Variants in BRD9 observed in about 807,000 individuals in gnomAD.
BRD9 encodes bromodomain containing 9, also known as bromodomain-containing protein 9.
A neutral mutation model predicts 68.7 loss-of-function variants in BRD9; 47 were observed. The ratio of observed to expected loss-of-function variants is 0.68; its 90% CI spans 0.54 to 0.87. The LOEUF (loss-of-function observed/expected upper bound fraction) is 0.87. Ranked by LOEUF, BRD9 falls within the 40% of genes least tolerant of loss-of-function variation. The pLI is 0.00. For missense variants in BRD9, 670 were observed against 748.4 expected (o/e 0.90, Z 1.22); for synonymous variants, 313 against 293.9 (o/e 1.06, Z -0.67).
intron 3 of BRD9, chr5:889,878 C>T (rs1388862326): frequency 1.3e-6 from 1 of 756,522 alleles, no homozygotes; most frequent in Non-Finnish European, 2.1e-6. Flanking sequence ...TAACCGGTAG[C>T]CCTTACATCA....
At position 870,584 on chromosome 5, in the gene BRD9, A is replaced by G. The variant is rs1749996788; in HGVS notation, c.1423-9T>C. The G allele has an allele frequency of 1.9e-6, 3 of 1,591,460 alleles. No homozygotes were observed. Among genetic ancestry groups the G allele is most frequent in the Non-Finnish European group, 1.7e-6 (2 of 1,160,748 alleles). On this transcript the variant is annotated splice_polypyrimidine_tract_variant and intron_variant, in intron 13 of 15. Coordinates refer to ENST00000467963, the MANE Select transcript of BRD9 (RefSeq NM_023924.5). ...CCTAGGGTGTCCCCAACCTGTGGAG[A>G]CAGACACACATCAAGAGCAATTCAA...
At position 881,430 on chromosome 5, in the gene BRD9, A is replaced by AC. The variant is rs1751740195; in HGVS notation, c.967-249dup. The AC allele has an allele frequency of 5.0e-5, 28 of 558,452 alleles. No homozygotes were observed. The East Asian group carries it at 8.4e-4, about 17-fold the overall frequency. The allele number at this position is 558,452 out of a possible 1,614,324, so 34.6% of individuals were successfully genotyped here. A position where few individuals can be genotyped will look rare whatever the true frequency, so the allele number is the denominator to read the frequency against. Reference sequence around the variant, plus strand: ...TATAGGGGGTACAGCTGAAACAAAAACCTTCACCCACGAGTAAACATTTAA... The same window carrying AC: ...TATAGGGGGTACAGCTGAAACAAAAACCCTTCACCCACGAGTAAACATTTAA... On this transcript the variant is annotated intron_variant, in intron 8 of 15. Transcript: ENST00000467963.
chr5:878,260 T>C, intron 11 of BRD9, 95 bp downstream of exon 11: 2 of 1,543,634 alleles, frequency 1.3e-6, no homozygotes, highest in Non-Finnish European at 1.8e-6. Context: ...AAGATGGCTC[T>C]CTCCCCACCC....
chr5:877,657 T>A (rs1751150332), intron 11 of BRD9, among the ~76,000 whole-genome samples: 1 of 152,170 alleles, frequency 6.6e-6, no homozygotes, highest in Admixed American at 6.5e-5. Context: ...CTGCTACATT[T>A]GTGATTTTAG....
chr5:876,133 C>G lies in BRD9; in HGVS notation c.1351G>C (p.Asp451His). The change falls in exon 12 of 16, where the codon GAC becomes CAC. Residue 451 changes from aspartate to histidine, a missense_variant. Physicochemically the swap from Asp to His is moderately conservative, Grantham distance 81. Around this residue, in one of 5 missense-constraint regions of BRD9, gnomAD observed 280 missense variants for 281.5 expected, o/e 0.99. Transcript: ENST00000467963. ...AGCTGGAAGAGCGTCCTAGAGTGGT[C>G]TCCGCCTGTGATCTGGTCCAGGAGG... ...DDLLDQITGGDHSRTLFQLKQ... is the reference protein window; with the variant it reads ...DDLLDQITGGHHSRTLFQLKQ... 6.2e-7 allele frequency: 1 copy of G among 1,613,638 alleles called. No individual in the cohort carries two copies. The highest frequency in any genetic ancestry group is 8.5e-7 in the Non-Finnish European group (1 of 1,179,902).
chr5:891,050 C>CGGTGGT, intron 3 of BRD9, 105 bp downstream of exon 3: 1 of 1,376,106 alleles, frequency 7.3e-7, no homozygotes, highest in South Asian at 1.5e-5. Context: ...TACCAGCTCT[C>CGGTGGT]CTCCCTCCCA....
intron 9 of BRD9, 143 bp downstream of exon 9, chr5:880,964 T>G (rs887773321): frequency 3.7e-6 from 3 of 809,406 alleles, no homozygotes; most frequent in Non-Finnish European, 5.9e-6. Context: ...ACGTGTCACG[T>G]TGGGGTGCGA....
chr5:878,614 G>C (rs1276119438), intron 10 of BRD9, 127 bp from the exon 11 acceptor site: 94 of 1,335,898 alleles, frequency 7.0e-5, no homozygotes, highest in Non-Finnish European at 9.1e-5. Context: ...CACCTCTCTT[G>C]CTCTCCACAA....
chr5:885,842 T>C (rs1560923127), intron 7 of BRD9, among the ~76,000 whole-genome samples: 1 of 152,240 alleles, frequency 6.6e-6, no homozygotes, highest in Admixed American at 6.5e-5. Context: ...TCGCTTTGTT[T>C]GGTCCTATCA....
chr5:875,513 A>G (rs1355015299), intron 12 of BRD9, among the ~76,000 whole-genome samples: 1 of 151,960 alleles, frequency 6.6e-6, no homozygotes, highest in Non-Finnish European at 1.5e-5. Flanking sequence ...ACGCCCAGCT[A>G]ATTTTTTCTA....
intron 4 of BRD9, among the ~76,000 whole-genome samples, chr5:889,377 C>A (rs1291131785): frequency 6.6e-6 from 1 of 152,188 alleles, no homozygotes; most frequent in African/African-American, 2.4e-5. Context: ...CAGCTCTAGC[C>A]TTGACTTCCC....
intron 11 of BRD9, among the ~76,000 whole-genome samples, chr5:876,579 G>A (rs533241386): frequency 2.3e-4 from 35 of 152,322 alleles, no homozygotes; most frequent in African/African-American, 7.5e-4. Context: ...AGTGCCTGCC[G>A]GTGAGGAATG....
intron 14 of BRD9, among the ~76,000 whole-genome samples, chr5:867,567 G>C (rs1365001677): frequency 6.6e-6 from 1 of 152,258 alleles, no homozygotes; most frequent in Non-Finnish European, 1.5e-5. Flanking sequence ...CCAAGGCCGT[G>C]GGAGCCCATC....
In BRD9 at chr5:872,087, G is replaced by A. The variant is rs78212447; in HGVS notation, c.1384-523C>T. Among the ~76,000 whole-genome samples the A allele has an allele frequency of 2.2e-3, 336 of 152,340 alleles. 4 individuals carry two copies. The East Asian group carries it at 0.04, about 18-fold the overall frequency. On this transcript the variant is annotated intron_variant, in intron 12 of 15. Transcript: ENST00000467963. ...GGAGCGAAGGAGGCAGACACCTCCT[G>A]GCGGTGCCTGCAGCAGGTGGGCCGG...
chr5:876,661 T>C (rs1750982272), intron 11 of BRD9, among the ~76,000 whole-genome samples: 1 of 152,162 alleles, frequency 6.6e-6, no homozygotes, highest in African/African-American at 2.4e-5. Flanking sequence ...CTTGGCCATA[T>C]ACATGAAACA....
intron 4 of BRD9, 21 bp downstream of exon 4, chr5:889,563 CTCT>C: frequency 6.2e-7 from 1 of 1,612,684 alleles, no homozygotes. Flanking sequence ...CAGACACTAG[CTCT>C]TCAGAAACGC....
At chr5:886,973 G>T (rs1429424888) in intron 6 of BRD9, 5 of 548,318 alleles carry the variant, frequency 9.1e-6, no homozygotes, top group Non-Finnish European at 1.6e-5. Context: ...CTTCTCCTAC[G>T]TGGGATGCAT....
At position 887,428 on chromosome 5, in the gene BRD9, C is replaced by T; in HGVS notation, c.650G>A (p.Arg217Lys). The T allele has an allele frequency of 6.2e-7, 1 of 1,614,150 alleles. No homozygotes were observed. The highest frequency in any genetic ancestry group is 8.5e-7 in the Non-Finnish European group (1 of 1,180,020). The stretch of plus-strand genomic sequence containing the variant: ...CAACTTGTAGTACACGGTATCTGGC[C>T]TATTGTATGTCATTGCATTATCACA... The part of the protein sequence containing the change: ...LMCDNAMTYN[R>K]PDTVYYKLAK... The change falls in exon 6 of 16, where the codon AGG becomes AAG. Residue 217 changes from arginine (R) to lysine (K), a missense_variant. Coordinates refer to ENST00000467963, the MANE Select transcript of BRD9 (RefSeq NM_023924.5).
chr5:867,166 A>G (rs561325833), intron 14 of BRD9, among the ~76,000 whole-genome samples: 1 of 152,348 alleles, frequency 6.6e-6, no homozygotes, highest in African/African-American at 2.4e-5. Context: ...TGCAAGCCCC[A>G]AGCCCTGGAA....
Sources: allele counts gnomAD v4.1 joint callset (sites outside exome capture counted in the v4.1 genomes callset), GRCh38; gene constraint gnomAD v4.1.1; regional missense constraint gnomAD v4.1.1; transcripts MANE v1.5; gene names NCBI Gene and HGNC (gene_info 2026-07-23, HGNC 2026-07-21).